Variants in IPO11 observed in about 807,000 individuals in gnomAD.
IPO11 encodes the protein importin 11, also known as importin-11.
IPO11 carries 66 observed loss-of-function variants against 143.2 expected under a neutral mutation model. The observed-to-expected ratio is 0.46, with a 90% CI of 0.38 to 0.57. IPO11 has a LOEUF of 0.57. Ranked by LOEUF, IPO11 falls within the 20% of genes least tolerant of loss-of-function variation. The probability of loss-of-function intolerance (pLI) is 0.00; values close to 1 mark genes in which losing one functional copy is unlikely to be tolerated. For synonymous variants in IPO11, 385 were observed against 377.8 expected (o/e 1.02, Z -0.22); for missense variants, 1,026 against 1,141.0 (o/e 0.90, Z 1.45).
Position 62,526,208 on chromosome 5 carries a change from G to A in IPO11, c.1963G>A (p.Val655Ile). 6.2e-7 allele frequency: 1 copy of A among 1,613,708 alleles called. No individual in the cohort carries two copies. The highest frequency in any genetic ancestry group is 8.5e-7 in the Non-Finnish European group (1 of 1,179,766). Residue 655 changes from valine to isoleucine, a missense_variant, in exon 21 of 30, where the codon GTT becomes ATT. Physicochemically the swap from Val to Ile is conservative, Grantham distance 29. Around this residue, in one of 5 missense-constraint regions of IPO11, gnomAD observed 237 missense variants for 288.0 expected, o/e 0.82. Transcript: ENST00000325324. ...LLPVIQLSTD[V>I]SQPPHVYLLE... ...CCCAGTTATTCAACTGAGTACAGATGTTTCACAGCCTCCACATGTTTATCT... is the reference window on the plus strand; with the variant it reads ...CCCAGTTATTCAACTGAGTACAGATATTTCACAGCCTCCACATGTTTATCT...
chr5:62,585,573 T>C (rs1744743092), intron 27 of IPO11, among the ~76,000 whole-genome samples: 1 of 152,138 alleles, frequency 6.6e-6, no homozygotes, highest in Non-Finnish European at 1.5e-5. Context: ...AAACTAGGAT[T>C]AAGGGTTTGG....
chr5:62,501,993 T>C (rs1369079112), intron 16 of IPO11, among the ~76,000 whole-genome samples: 4 of 152,324 alleles, frequency 2.6e-5, no homozygotes, highest in Non-Finnish European at 5.9e-5. Flanking sequence ...GTAAAAGTGG[T>C]CAGGCATTAG....
intron 20 of IPO11, among the ~76,000 whole-genome samples, chr5:62,516,934 C>G (rs189641794): frequency 8.8e-4 from 132 of 150,124 alleles, no homozygotes; most frequent in African/African-American, 3.1e-3. Context: ...CGTGGTGGCT[C>G]AAGCCTGTAA....
chr5:62,540,607 G>C lies in IPO11; in HGVS notation c.2250+3318G>C, dbSNP rs114054020. Among the ~76,000 whole-genome samples, 1,292 of 152,336 alleles carry C rather than the reference G, an allele frequency of 8.5e-3. 17 individuals are homozygous for C. The highest frequency in any genetic ancestry group is 0.03 in the African/African-American group (1,239 of 41,576). On this transcript the variant is annotated intron_variant, in intron 24 of 29. Coordinates refer to ENST00000325324, the MANE Select transcript of IPO11 (RefSeq NM_016338.5). Reference sequence around the variant, plus strand: ...AGCATAGCAGGTAAGACTACACACTGAAGGGAGACTTCCAGGGTTAGAACA... The same window carrying C: ...AGCATAGCAGGTAAGACTACACACTCAAGGGAGACTTCCAGGGTTAGAACA...
At chr5:62,444,254 C>T (rs946534106) in intron 3 of IPO11, among the ~76,000 whole-genome samples, 2 of 151,940 alleles carry the variant, frequency 1.3e-5, no homozygotes, top group South Asian at 2.1e-4. Context: ...CATCTTGCCC[C>T]GCTGATTTTT....
intron 21 of IPO11, among the ~76,000 whole-genome samples, chr5:62,529,943 C>T (rs1482134561): frequency 6.6e-6 from 1 of 152,082 alleles, no homozygotes; most frequent in African/African-American, 2.4e-5. Context: ...CTAAACCTTC[C>T]ATGTATACGT....
intron 28 of IPO11, among the ~76,000 whole-genome samples, chr5:62,595,043 G>A (rs1745165226): frequency 6.6e-6 from 1 of 152,190 alleles, no homozygotes; most frequent in Non-Finnish European, 1.5e-5. Flanking sequence ...GACAGAAGGG[G>A]TAGATGCTGG....
intron 7 of IPO11, among the ~76,000 whole-genome samples, chr5:62,471,924 T>C (rs1349403205): frequency 3.3e-5 from 5 of 152,166 alleles, no homozygotes; most frequent in African/African-American, 1.2e-4. Context: ...GAATTGAAAA[T>C]GTTGGGTTAA....
chr5:62,605,072 T>G (rs1002211405), intron 29 of IPO11, among the ~76,000 whole-genome samples: 4 of 152,244 alleles, frequency 2.6e-5, no homozygotes, highest in African/African-American at 9.6e-5. Context: ...TTATGAATTA[T>G]TCTTTACAAA....
At chr5:62,619,693 A>C (rs1239207085) in intron 29 of IPO11, among the ~76,000 whole-genome samples, 1 of 151,974 alleles carries the variant, frequency 6.6e-6, no homozygotes, top group Non-Finnish European at 1.5e-5. Flanking sequence ...CTCTACTAAA[A>C]ATACAAAAAA....
chr5:62,471,135 C>CT (rs376825469), intron 7 of IPO11, among the ~76,000 whole-genome samples: 9,874 of 137,754 alleles, frequency 0.072, 425 homozygotes, highest in Middle Eastern at 0.12. Flanking sequence ...AGTTGCATTT[C>CT]TTTTTTTTTT....
chr5:62,567,842 G>A (rs981794613), intron 27 of IPO11, among the ~76,000 whole-genome samples: 6 of 151,222 alleles, frequency 4.0e-5, no homozygotes, highest in Admixed American at 2.0e-4. Flanking sequence ...GATTACAGGC[G>A]TGAGCCACCG....
intron 27 of IPO11, among the ~76,000 whole-genome samples, chr5:62,589,343 A>G (rs577403457): frequency 6.6e-6 from 1 of 152,124 alleles, no homozygotes; most frequent in African/African-American, 2.4e-5. Flanking sequence ...TCACCCTCTC[A>G]TCTTCTGGGA....
At chr5:62,571,634 A>G (rs955303112) in intron 27 of IPO11, among the ~76,000 whole-genome samples, 1 of 152,080 alleles carries the variant, frequency 6.6e-6, no homozygotes, top group Non-Finnish European at 1.5e-5. Flanking sequence ...TACATTTTTC[A>G]TATACATTTC....
chr5:62,617,343 A>G (rs890776487), intron 29 of IPO11, among the ~76,000 whole-genome samples: 6 of 152,222 alleles, frequency 3.9e-5, no homozygotes, highest in South Asian at 2.1e-4. Flanking sequence ...GTGTCCACAT[A>G]TAATAGGAAC....
At chr5:62,589,946 G>A (rs1225004054) in intron 27 of IPO11, among the ~76,000 whole-genome samples, 2 of 152,208 alleles carry the variant, frequency 1.3e-5, no homozygotes, top group Non-Finnish European at 2.9e-5. Context: ...AAGATGAGCT[G>A]TGGGCTCAGT....
In IPO11 at chr5:62,465,072, G is replaced by A. The variant is rs144601137; in HGVS notation, c.517-2059G>A. On this transcript the variant is annotated intron_variant, in intron 5 of 29. Transcript: ENST00000325324. ...AACGGATCTACAAATTATAGCCAAG[G>A]CTATAGATTTCATTTTTGGGGAGTT... Among the ~76,000 whole-genome samples, 1,057 of 152,228 alleles carry A rather than the reference G, an allele frequency of 6.9e-3. 9 individuals carry two copies. Among genetic ancestry groups the A allele is most frequent in the African/African-American group, 0.025 (1,022 of 41,540 alleles).
intron 9 of IPO11, among the ~76,000 whole-genome samples, chr5:62,482,446 A>C (rs1448940735): frequency 6.6e-6 from 1 of 152,148 alleles, no homozygotes; most frequent in African/African-American, 2.4e-5. Context: ...TTCCCTCTAC[A>C]CACTGCTTTA....
At chr5:62,524,229 T>C (rs1742296192) in intron 20 of IPO11, among the ~76,000 whole-genome samples, 1 of 152,112 alleles carries the variant, frequency 6.6e-6, no homozygotes, top group African/African-American at 2.4e-5. Context: ...ATTGAATCTC[T>C]TCAAGCATTG....
Sources: allele counts gnomAD v4.1 joint callset (sites outside exome capture counted in the v4.1 genomes callset), GRCh38; gene constraint gnomAD v4.1.1; regional missense constraint gnomAD v4.1.1; transcripts MANE v1.5; gene names NCBI Gene and HGNC (gene_info 2026-07-23, HGNC 2026-07-21).